GALNT13: variants seen among roughly 807,000 people sequenced by gnomAD.
GALNT13 encodes UDP-GalNAc:polypeptide N-acetylgalactosaminyltransferase 13.
Under a neutral mutation model 64.2 loss-of-function variants are expected in GALNT13, and 28 were observed. That is an observed-to-expected ratio of 0.44 (90% confidence interval 0.32 to 0.60). The LOEUF (loss-of-function observed/expected upper bound fraction) is 0.60. Ranked by LOEUF, GALNT13 falls within the 20% of genes least tolerant of loss-of-function variation. The probability of loss-of-function intolerance (pLI) is 0.05; values close to 1 mark genes in which losing one functional copy is unlikely to be tolerated. For synonymous variants in GALNT13, 214 were observed against 224.6 expected (o/e 0.95, Z 0.42); for missense variants, 577 against 669.8 (o/e 0.86, Z 1.53).
the GALNT13 span, among the ~76,000 whole-genome samples, chr2:153,635,424 A>G: frequency 6.8e-6 from 1 of 147,020 alleles, no homozygotes; most frequent in Non-Finnish European, 1.5e-5. Context: ...ATACACATAT[A>G]TATGTATATA....
At chr2:153,644,131 T>C in the GALNT13 span, among the ~76,000 whole-genome samples, 5 of 152,060 alleles carry the variant, frequency 3.3e-5, no homozygotes, top group Non-Finnish European at 5.9e-5. Context: ...TTGTAGGTGA[T>C]ATGATTGCTT....
At position 154,376,575 on chromosome 2, in the gene GALNT13, C is replaced by T. The variant is rs187388256; in HGVS notation, c.1157-19416C>T. On this transcript the variant is annotated intron_variant, in intron 9 of 12. Coordinates refer to ENST00000392825, the MANE Select transcript of GALNT13 (RefSeq NM_052917.4). ...TAGTGTCTGAGTCTTAATGAAATCT[C>T]TTAAATTTATATAGAAGTCAAAATT... Among the ~76,000 whole-genome samples, 1,169 of 152,122 alleles carry T rather than the reference C, an allele frequency of 7.7e-3. 7 individuals are homozygous for T. The highest frequency in any genetic ancestry group is 0.013 in the Non-Finnish European group (892 of 67,964).
chr2:154,305,212 A>G (rs2105108230), intron 9 of GALNT13, among the ~76,000 whole-genome samples: 1 of 152,160 alleles, frequency 6.6e-6, no homozygotes, highest in South Asian at 2.1e-4. Flanking sequence ...AATCAAAATC[A>G]TACACTTCTT....
the GALNT13 span, among the ~76,000 whole-genome samples, chr2:153,757,952 AT>A: frequency 6.6e-6 from 1 of 151,958 alleles, no homozygotes; most frequent in Non-Finnish European, 1.5e-5. Flanking sequence ...CATTCTGTTA[AT>A]TTTTTTCTTT....
chr2:153,671,596 C>T, the GALNT13 span, among the ~76,000 whole-genome samples: 1 of 152,202 alleles, frequency 6.6e-6, no homozygotes, highest in Non-Finnish European at 1.5e-5. Context: ...ACTGCAAAAA[C>T]ATGCCAAATT....
At chr2:154,317,587 GAA>G (rs1387589739) in intron 9 of GALNT13, among the ~76,000 whole-genome samples, 1 of 152,050 alleles carries the variant, frequency 6.6e-6, no homozygotes, top group Non-Finnish European at 1.5e-5. Context: ...AAAATGGAAA[GAA>G]AATGGATTTC....
At chr2:154,422,848 C>A (rs922551339) in intron 11 of GALNT13, among the ~76,000 whole-genome samples, 4 of 152,066 alleles carry the variant, frequency 2.6e-5, no homozygotes, top group African/African-American at 9.7e-5. Flanking sequence ...ATCCACCTAA[C>A]AAAGAGACCT....
At chr2:154,147,701 T>C (rs1404694906) in intron 4 of GALNT13, among the ~76,000 whole-genome samples, 1 of 152,014 alleles carries the variant, frequency 6.6e-6, no homozygotes, top group East Asian at 1.9e-4. Flanking sequence ...ACCAAATACC[T>C]ATTTGTTTGT....
At chr2:154,037,532 A>G (rs1204559496) in intron 3 of GALNT13, among the ~76,000 whole-genome samples, 1 of 152,120 alleles carries the variant, frequency 6.6e-6, no homozygotes, top group Non-Finnish European at 1.5e-5. Context: ...AGAAAGAAAT[A>G]AAGGTATCCA....
chr2:153,256,639 G>A, the GALNT13 span, among the ~76,000 whole-genome samples: 1 of 152,176 alleles, frequency 6.6e-6, no homozygotes. Context: ...GTACAGATGG[G>A]ATTTTTGTGT....
chr2:153,710,603 A>G, the GALNT13 span, among the ~76,000 whole-genome samples: 1 of 152,042 alleles, frequency 6.6e-6, no homozygotes, highest in Non-Finnish European at 1.5e-5. Context: ...AGGAATGTAT[A>G]TTTTGATTTC....
chr2:154,124,438 T>C (rs1178027765), intron 3 of GALNT13, among the ~76,000 whole-genome samples: 3 of 152,062 alleles, frequency 2.0e-5, no homozygotes, highest in African/African-American at 7.2e-5. Context: ...ACAAATAATA[T>C]TGCAAATAAA....
the GALNT13 span, among the ~76,000 whole-genome samples, chr2:153,073,677 T>G: frequency 6.6e-6 from 1 of 152,154 alleles, no homozygotes; most frequent in Non-Finnish European, 1.5e-5. Context: ...AGTGACCATT[T>G]TATTGTCCAA....
chr2:153,362,257 T>C, the GALNT13 span, among the ~76,000 whole-genome samples: 56 of 152,162 alleles, frequency 3.7e-4, 2 homozygotes, highest in Admixed American at 3.3e-3. Flanking sequence ...TACCACCCAC[T>C]GCAAAAACAC....
At chr2:153,184,511 A>G in the GALNT13 span, among the ~76,000 whole-genome samples, 2 of 152,122 alleles carry the variant, frequency 1.3e-5, no homozygotes, top group African/African-American at 4.8e-5. Context: ...TATTATGTTG[A>G]ATGGGAGTGG....
the GALNT13 span, among the ~76,000 whole-genome samples, chr2:153,772,982 A>C: frequency 6.6e-6 from 1 of 152,132 alleles, no homozygotes; most frequent in East Asian, 1.9e-4. Context: ...AATTGAAGAG[A>C]GCTGCAGGGT....
the GALNT13 span, among the ~76,000 whole-genome samples, chr2:153,766,028 G>A: frequency 6.6e-6 from 1 of 152,106 alleles, no homozygotes; most frequent in Non-Finnish European, 1.5e-5. Flanking sequence ...TCTCAGTTAT[G>A]TCTTTATTAG....
At chr2:154,154,778 A>G (rs1684300397) in intron 4 of GALNT13, among the ~76,000 whole-genome samples, 1 of 152,162 alleles carries the variant, frequency 6.6e-6, no homozygotes, top group African/African-American at 2.4e-5. Flanking sequence ...TTTATAGGAA[A>G]GACAGAAAGG....
At chr2:153,487,907 C>T in the GALNT13 span, among the ~76,000 whole-genome samples, 1 of 152,108 alleles carries the variant, frequency 6.6e-6, no homozygotes, top group Non-Finnish European at 1.5e-5. Context: ...CATGGGGACA[C>T]ATTGAAGGGC....
Sources: allele counts gnomAD v4.1 joint callset (sites outside exome capture counted in the v4.1 genomes callset), GRCh38; gene constraint gnomAD v4.1.1; transcripts MANE v1.5; gene names NCBI Gene and HGNC (gene_info 2026-07-23, HGNC 2026-07-21).